SLC26A4: variants seen among roughly 807,000 people sequenced by gnomAD.
The protein encoded by SLC26A4 is pendrin.
A neutral mutation model predicts 90.4 loss-of-function variants in SLC26A4; 93 were observed. The ratio of observed to expected loss-of-function variants is 1.03; its 90% confidence interval spans 0.87 to 1.22. SLC26A4 has a LOEUF of 1.22. SLC26A4 is among the 50% of genes most tolerant of loss of function. SLC26A4 has a pLI of 0.00. For missense variants in SLC26A4, 1,127 were observed against 946.2 expected (o/e 1.19, Z -2.51); for synonymous variants, 393 against 354.6 (o/e 1.11, Z -1.22).
At chr7:107,685,900 G>A (rs888259876) in intron 8 of SLC26A4, among the ~76,000 whole-genome samples, 1 of 151,832 alleles carries the variant, frequency 6.6e-6, no homozygotes, top group Admixed American at 6.6e-5. Flanking sequence ...TCACGCACGT[G>A]TATGTGTAAA....
Position 107,715,671 on chromosome 7 carries a change from C to T in SLC26A4, c.*225C>T, listed in dbSNP as rs1792328409. ...ACGATTTGGCAGCGTCCAGGGTAAG[C>T]TGGTGTTATAATACGCTGCTGATCT... is the stretch of plus-strand genomic sequence containing the variant. On this transcript the variant is annotated 3_prime_UTR_variant, in exon 21 of 21. Transcript: ENST00000644269. 1.7e-6 allele frequency: 1 copy of T among 586,612 alleles called. No individual in the cohort carries two copies. Among genetic ancestry groups the T allele is most frequent in the Admixed American group, 2.9e-5 (1 of 34,196 alleles). 36.3% of individuals were successfully genotyped at this position (586,612 alleles called of 1,614,324 possible). A position where few individuals can be genotyped will look rare whatever the true frequency, so the allele number is the denominator to read the frequency against.
chr7:107,686,631 G>T (rs992762661), intron 8 of SLC26A4, among the ~76,000 whole-genome samples: 3 of 151,884 alleles, frequency 2.0e-5, no homozygotes, highest in East Asian at 1.9e-4. Context: ...GGGACAACAG[G>T]CACACACTGC....
At chr7:107,680,155 A>G (rs1244376637) in intron 6 of SLC26A4, among the ~76,000 whole-genome samples, 4 of 123,700 alleles carry the variant, frequency 3.2e-5, no homozygotes, top group Non-Finnish European at 4.7e-5. Context: ...TTATCTTATT[A>G]TATAATATAA....
At chr7:107,712,483 G>A (rs1246217048) in intron 19 of SLC26A4, 56 bp from the exon 20 acceptor site, 1 of 852,494 alleles carries the variant, frequency 1.2e-6, no homozygotes, top group African/African-American at 1.7e-5. Flanking sequence ...CATTTTCAGT[G>A]GAGCATCAGG....
Position 107,663,572 on chromosome 7 carries a change from A to G in SLC26A4, c.304+137A>G. 4.3e-6 allele frequency: 4 copies of G among 941,136 alleles called. No individual in the cohort carries two copies. In the South Asian group the frequency reaches 5.5e-5, roughly 13 times the overall value. The allele number at this position is 941,136 out of a possible 1,614,324, so 58.3% of individuals were successfully genotyped here. On this transcript the variant is annotated intron_variant, in intron 3 of 20. Transcript: ENST00000644269. Reference sequence around the variant, plus strand: ...TCCTGTAGAGCCCCTTAGTGGAGAGAGTCACCTCTCTTCTCCCCTTCCTTA... The same window carrying G: ...TCCTGTAGAGCCCCTTAGTGGAGAGGGTCACCTCTCTTCTCCCCTTCCTTA...
chr7:107,696,621 A>C lies in SLC26A4; in HGVS notation c.1544+582A>C, dbSNP rs555283817. Reference sequence around the variant, plus strand: ...AAATCTCTCATATAACCAATAAGGCATATAACCAATAAACCACACAATTAT... The same window carrying C: ...AAATCTCTCATATAACCAATAAGGCCTATAACCAATAAACCACACAATTAT... On this transcript the variant is annotated intron_variant, in intron 13 of 20. Transcript: ENST00000644269. Among the ~76,000 whole-genome samples, 29 of 152,346 alleles carry C rather than the reference A, an allele frequency of 1.9e-4. No individual in the cohort carries two copies. The South Asian group carries it at 2.5e-3, about 13-fold the overall frequency.
At chr7:107,682,374 A>T (rs1295753345) in intron 6 of SLC26A4, among the ~76,000 whole-genome samples, 2 of 152,032 alleles carry the variant, frequency 1.3e-5, no homozygotes, top group Non-Finnish European at 2.9e-5. Flanking sequence ...ATTCAGCTTT[A>T]GGAATTAAAA....
At position 107,663,291 on chromosome 7, in the gene SLC26A4, GAC is replaced by G. The variant is rs1236556615; in HGVS notation, c.165-3_165-2del. 2 of 1,614,030 alleles carry G rather than the reference GAC, an allele frequency of 1.2e-6. No individual in the cohort carries two copies. Among genetic ancestry groups the G allele is most frequent in the African/African-American group, 2.7e-5 (2 of 74,918 alleles). ...TGAAAACCCAGTTTTCTTGCTTTTT[GAC>G]AGTTGTTCAAGAAAGAGAGCCTTTG... On this transcript the variant is annotated splice_polypyrimidine_tract_variant and splice_region_variant and intron_variant, in intron 2 of 20. Coordinates refer to ENST00000644269, the MANE Select transcript of SLC26A4 (RefSeq NM_000441.2).
intron 19 of SLC26A4, among the ~76,000 whole-genome samples, chr7:107,711,913 G>T (rs1792201458): frequency 6.6e-6 from 1 of 152,184 alleles, no homozygotes; most frequent in Non-Finnish European, 1.5e-5. Context: ...TAGCTAAGTA[G>T]CATTTCAAAA....
intron 9 of SLC26A4, 69 bp downstream of exon 9, chr7:107,689,269 A>G: frequency 6.4e-7 from 1 of 1,550,676 alleles, no homozygotes; most frequent in Non-Finnish European, 8.9e-7. Flanking sequence ...AATGGAAAAG[A>G]TTTTGGTGTC....
intron 8 of SLC26A4, among the ~76,000 whole-genome samples, chr7:107,687,680 G>T (rs756639458): frequency 6.6e-6 from 1 of 152,158 alleles, no homozygotes; most frequent in Non-Finnish European, 1.5e-5. Context: ...TGGAGAACTA[G>T]GCAGCCAGGC....
At chr7:107,713,711 A>G (rs745752979) in intron 20 of SLC26A4, among the ~76,000 whole-genome samples, 4 of 152,180 alleles carry the variant, frequency 2.6e-5, no homozygotes, top group Admixed American at 6.5e-5. Flanking sequence ...CTTTCATAAT[A>G]GCAACATCAG....
intron 8 of SLC26A4, among the ~76,000 whole-genome samples, chr7:107,683,786 C>T (rs201600277): frequency 3.9e-5 from 6 of 152,028 alleles, no homozygotes; most frequent in Admixed American, 3.3e-4. Context: ...AGAACATGTA[C>T]GGTTAACACC....
chr7:107,708,844 G>A (rs1238236453), intron 18 of SLC26A4, among the ~76,000 whole-genome samples: 1 of 151,900 alleles, frequency 6.6e-6, no homozygotes, highest in Non-Finnish European at 1.5e-5. Flanking sequence ...ACAATGGGGG[G>A]ATGTTGTTAT....
chr7:107,680,129 A>G (rs1375196784), intron 6 of SLC26A4, among the ~76,000 whole-genome samples: 1 of 121,082 alleles, frequency 8.3e-6, no homozygotes, highest in African/African-American at 3.7e-5. Context: ...ATCTTATCTT[A>G]TTATATAATA....
At chr7:107,679,962 C>T (rs1791150318) in intron 6 of SLC26A4, among the ~76,000 whole-genome samples, 2 of 120,488 alleles carry the variant, frequency 1.7e-5, no homozygotes, top group Admixed American at 1.6e-4. Context: ...ATAATATAAT[C>T]TTATTATATA....
chr7:107,701,217 TC>T, intron 16 of SLC26A4, 21 bp downstream of exon 16: 5 of 1,447,304 alleles, frequency 3.5e-6, no homozygotes, highest in Non-Finnish European at 4.9e-6. Context: ...ATCTTTCTTT[TC>T]CCCCTTAAAT....
chr7:107,698,181 C>G, intron 14 of SLC26A4, 70 bp downstream of exon 14: 1 of 981,456 alleles, frequency 1.0e-6, no homozygotes, highest in South Asian at 1.3e-5. Context: ...CTCCATTTTA[C>G]GTACAAGGTA....
At chr7:107,670,426 C>A (rs980970280) in intron 3 of SLC26A4, among the ~76,000 whole-genome samples, 2 of 151,902 alleles carry the variant, frequency 1.3e-5, no homozygotes, top group Admixed American at 6.6e-5. Flanking sequence ...TTTTTTAATG[C>A]GTACACTCCC....
Sources: allele counts gnomAD v4.1 joint callset (sites outside exome capture counted in the v4.1 genomes callset), GRCh38; gene constraint gnomAD v4.1.1; transcripts MANE v1.5; gene names NCBI Gene and HGNC (gene_info 2026-07-23, HGNC 2026-07-21).